SMNDC1: variants seen among roughly 807,000 people sequenced by gnomAD.
SMNDC1 encodes the protein survival of motor neuron-related-splicing factor 30.
SMNDC1 carries 5 observed loss-of-function variants against 29.2 expected under a neutral mutation model. The ratio of observed to expected loss-of-function variants is 0.17; its 90% CI spans 0.09 to 0.36. The LOEUF is 0.36. Ranked by LOEUF, SMNDC1 falls within the 10% of genes least tolerant of loss-of-function variation. The pLI, the probability that SMNDC1 is intolerant of heterozygous loss-of-function variation, is 1.00. For missense variants in SMNDC1, 142 were observed against 268.5 expected (o/e 0.53, Z 3.29); for synonymous variants, 80 against 89.9 (o/e 0.89, Z 0.62).
Position 110,303,465 on chromosome 10 carries a change from T to A in SMNDC1, c.120+3A>T. ...AAAAGTACAATTGTCTACCCATACT[T>A]ACTTGTAAATCTTTCTTCAATTTTA... On this transcript the variant is annotated splice_donor_region_variant and intron_variant, in intron 2 of 5. Coordinates refer to ENST00000369603, the MANE Select transcript of SMNDC1 (RefSeq NM_005871.4). The A allele has an allele frequency of 2.5e-6, 4 of 1,579,880 alleles. No homozygotes were observed. The highest frequency in any genetic ancestry group is 3.4e-6 in the Non-Finnish European group (4 of 1,169,142).
At chr10:110,297,856 A>T in intron 3 of SMNDC1, 128 bp from the exon 4 acceptor site, 2 of 815,270 alleles carry the variant, frequency 2.5e-6, no homozygotes, top group Admixed American at 3.4e-5. Flanking sequence ...TGGTTGTTTC[A>T]GCAAAGAGAA....
intron 2 of SMNDC1, among the ~76,000 whole-genome samples, chr10:110,299,372 A>G (rs1857613116): frequency 6.6e-6 from 1 of 152,260 alleles, no homozygotes; most frequent in Non-Finnish European, 1.5e-5. Context: ...GCAAATTACC[A>G]GGTTAGATTT....
rs536058916 is a variant in SMNDC1, at chr10:110,304,810, G to A, written c.-63C>T. ...CGGGGCAAATGAGCCCAGTGGTAGT[G>A]GCGGTGGCAGCAGCAGCAGTAGCAG... On this transcript the variant is annotated 5_prime_UTR_variant, in exon 1 of 6. Transcript: ENST00000369603. 2.8e-3 allele frequency: 428 copies of A among 153,380 alleles called. 2 individuals are homozygous for A. The highest frequency in any genetic ancestry group is 4.8e-3 in the Non-Finnish European group (334 of 68,870). The allele number at this position is 153,380 out of a possible 1,614,324, so 9.5% of individuals were successfully genotyped here. A position where few individuals can be genotyped will look rare whatever the true frequency, so the allele number is the denominator to read the frequency against.
At chr10:110,300,987 T>C (rs1374114995) in intron 2 of SMNDC1, among the ~76,000 whole-genome samples, 1 of 152,080 alleles carries the variant, frequency 6.6e-6, no homozygotes, top group Non-Finnish European at 1.5e-5. Flanking sequence ...GAGATAAACA[T>C]GGAAACCTTA....
intron 4 of SMNDC1, among the ~76,000 whole-genome samples, chr10:110,297,184 T>G (rs1857576290): frequency 6.6e-6 from 1 of 152,160 alleles, no homozygotes; most frequent in Non-Finnish European, 1.5e-5. Context: ...CTGTTATAGC[T>G]CCTTTGTAAT....
chr10:110,303,326 C>T (rs1044249310), intron 2 of SMNDC1, 142 bp downstream of exon 2: 4 of 633,454 alleles, frequency 6.3e-6, no homozygotes, highest in Non-Finnish European at 7.6e-6. Context: ...AGCAACCCTA[C>T]TTCTACAAGC....
chr10:110,300,842 G>A (rs569230095), intron 2 of SMNDC1: 21 of 387,758 alleles, frequency 5.4e-5, no homozygotes, highest in Non-Finnish European at 7.0e-5. Flanking sequence ...TAGACTGCCC[G>A]GGGAGCTAGT....
chr10:110,294,794 T>C (rs1022788608), intron 5 of SMNDC1, among the ~76,000 whole-genome samples: 1 of 152,224 alleles, frequency 6.6e-6, no homozygotes, highest in Non-Finnish European at 1.5e-5. Flanking sequence ...GTTATCCTTA[T>C]TCTCAACTTC....
At chr10:110,300,708 G>C (rs1857632607) in intron 2 of SMNDC1, 2 of 985,416 alleles carry the variant, frequency 2.0e-6, no homozygotes, top group Non-Finnish European at 2.4e-6. Flanking sequence ...GCTTACTGAA[G>C]GAAGGCGTTT....
At chr10:110,296,483 TTAAG>T (rs1857564389) in intron 4 of SMNDC1, among the ~76,000 whole-genome samples, 1 of 152,194 alleles carries the variant, frequency 6.6e-6, no homozygotes, top group South Asian at 2.1e-4. Context: ...ATGTAGCAAC[TTAAG>T]TTTCAAAAAC....
At chr10:110,304,133 T>C (rs796663296) in intron 1 of SMNDC1, 21 of 152,492 alleles carry the variant, frequency 1.4e-4, no homozygotes, top group Admixed American at 1.1e-3. Context: ...ATCGGTGCAT[T>C]ATCTTCAGCA....
intron 3 of SMNDC1, among the ~76,000 whole-genome samples, chr10:110,298,180 G>A (rs956926368): frequency 6.6e-6 from 1 of 151,986 alleles, no homozygotes; most frequent in Non-Finnish European, 1.5e-5. Flanking sequence ...GTAGAGATGG[G>A]GTTTCACCAT....
chr10:110,297,726 C>T lies in SMNDC1; in HGVS notation c.266G>A (p.Cys89Tyr). The T allele has an allele frequency of 2.5e-6, 4 of 1,613,474 alleles. No homozygotes were observed. The highest frequency in any genetic ancestry group is 3.4e-6 in the Non-Finnish European group (4 of 1,179,606). The change falls in exon 4 of 6, where the codon TGT becomes TAT. Residue 89 changes from cysteine (C) to tyrosine (Y), a missense_variant and splice_region_variant. Physicochemically the swap from Cys to Tyr is radical, Grantham distance 194. Around this residue, in one of 4 missense-constraint regions of SMNDC1, gnomAD observed 65 missense variants for 75.9 expected, o/e 0.86. Coordinates refer to ENST00000369603, the MANE Select transcript of SMNDC1 (RefSeq NM_005871.4). ...CMAVWSEDGQ[C>Y]YEAEIEEIDE... ...TATCTCCTCAATCTCCGCTTCATAA[C>T]ACCTGTAAAGATATCATGGCTGTAA...
At chr10:110,299,191 GC>G (rs971964747) in intron 2 of SMNDC1, among the ~76,000 whole-genome samples, 7 of 152,130 alleles carry the variant, frequency 4.6e-5, no homozygotes, top group African/African-American at 1.7e-4. Context: ...GTTTTATAGG[GC>G]ATTACTCAGC....
chr10:110,297,754 A>T, intron 3 of SMNDC1, 26 bp from the exon 4 acceptor site: 1 of 1,605,834 alleles, frequency 6.2e-7, no homozygotes, highest in Non-Finnish European at 8.5e-7. Context: ...GGCTGTAAGC[A>T]GGTGAGTAAA....
At chr10:110,297,886 T>G (rs1370237821) in intron 3 of SMNDC1, 158 bp from the exon 4 acceptor site, 1 of 635,076 alleles carries the variant, frequency 1.6e-6, no homozygotes, top group Non-Finnish European at 2.6e-6. Flanking sequence ...GTGGTTGAAG[T>G]TAGTTATCTG....
At chr10:110,299,427 T>C (rs1857613880) in intron 2 of SMNDC1, among the ~76,000 whole-genome samples, 1 of 152,194 alleles carries the variant, frequency 6.6e-6, no homozygotes, top group Non-Finnish European at 1.5e-5. Flanking sequence ...CACAGCTTCA[T>C]TTAAAAGGGG....
intron 5 of SMNDC1, 70 bp downstream of exon 5, chr10:110,295,158 T>A (rs1408526570): frequency 3.8e-5 from 54 of 1,413,648 alleles, no homozygotes; most frequent in Non-Finnish European, 4.9e-5. Flanking sequence ...CTCCATCTCT[T>A]TTCATTTTAA....
chr10:110,296,841 T>C (rs1044513731), intron 4 of SMNDC1, among the ~76,000 whole-genome samples: 1 of 152,212 alleles, frequency 6.6e-6, no homozygotes, highest in Non-Finnish European at 1.5e-5. Flanking sequence ...TACTTGTACG[T>C]GCTCACCTCC....
Sources: gnomAD v4.1 joint callset for allele counts (sites outside exome capture counted in the v4.1 genomes callset) on GRCh38, gnomAD v4.1.1 for gene constraint, gnomAD v4.1.1 regional missense constraint, MANE v1.5 for transcripts, NCBI Gene and HGNC (gene_info 2026-07-23, HGNC 2026-07-21) for gene names.